Variants in DNAAF11 observed in about 807,000 individuals in gnomAD.
DNAAF11 encodes the protein dynein axonemal assembly factor 11, also known as leucine rich repeat containing 6.
Under a neutral mutation model 60.8 loss-of-function variants are expected in DNAAF11, and 45 were observed. The observed-to-expected ratio is 0.74, with a 90% CI of 0.58 to 0.95. DNAAF11 has a LOEUF of 0.95. Ranked by LOEUF, DNAAF11 falls within the 40% of genes least tolerant of loss-of-function variation. The pLI is 0.00. For missense variants in DNAAF11, 546 were observed against 546.2 expected, an observed-to-expected ratio of 1.00 and a Z score of 0.00; for synonymous variants, 191 against 183.5, an observed-to-expected ratio of 1.04 and a Z score of -0.33.
At chr8:132,670,183 A>G (rs1825048122) in intron 1 of DNAAF11, among the ~76,000 whole-genome samples, 1 of 152,060 alleles carries the variant, frequency 6.6e-6, no homozygotes, top group Non-Finnish European at 1.5e-5. Flanking sequence ...TGAAAAGCAG[A>G]AAAAAATAGA....
At chr8:132,594,996 T>C (rs1460215218) in intron 10 of DNAAF11, among the ~76,000 whole-genome samples, 1 of 152,106 alleles carries the variant, frequency 6.6e-6, no homozygotes, top group Non-Finnish European at 1.5e-5. Context: ...CCTCACACAC[T>C]GTCCTGCTGC....
intron 1 of DNAAF11, among the ~76,000 whole-genome samples, chr8:132,674,111 GC>G (rs1825474276): frequency 7.1e-6 from 1 of 141,262 alleles, no homozygotes; most frequent in Non-Finnish European, 1.6e-5. Context: ...AGGAGGAGGA[GC>G]AGGAGGAGGA....
upstream of DNAAF11, among the ~76,000 whole-genome samples, chr8:132,677,868 A>G (rs923551376): frequency 6.6e-6 from 1 of 152,168 alleles, no homozygotes; most frequent in Non-Finnish European, 1.5e-5. Flanking sequence ...AAGGGATAGA[A>G]AAGGTGAAAA....
the DNAAF11 span, among the ~76,000 whole-genome samples, chr8:132,682,313 A>G: frequency 1.3e-5 from 2 of 152,132 alleles, no homozygotes; most frequent in African/African-American, 4.8e-5. Context: ...GCCAATGTAG[A>G]TGCCCCCTCC....
intron 2 of DNAAF11, among the ~76,000 whole-genome samples, chr8:132,660,738 T>C (rs774601846): frequency 6.6e-6 from 1 of 152,194 alleles, no homozygotes; most frequent in Non-Finnish European, 1.5e-5. Flanking sequence ...GGGATCTTCC[T>C]GCCAGCAGAG....
At chr8:132,671,496 C>G (rs1319902283) in intron 1 of DNAAF11, among the ~76,000 whole-genome samples, 1 of 152,100 alleles carries the variant, frequency 6.6e-6, no homozygotes, top group Non-Finnish European at 1.5e-5. Flanking sequence ...AGGTCAAAAT[C>G]CCAGCAGACT....
intron 5 of DNAAF11, among the ~76,000 whole-genome samples, chr8:132,626,340 C>T (rs1198835542): frequency 1.3e-5 from 2 of 152,136 alleles, no homozygotes. Flanking sequence ...CATGAGCCAC[C>T]GCACCCAGCC....
At chr8:132,697,959 A>G in the DNAAF11 span, among the ~76,000 whole-genome samples, 1 of 152,308 alleles carries the variant, frequency 6.6e-6, no homozygotes, top group South Asian at 2.1e-4. Flanking sequence ...AAATATTAAT[A>G]AAATGTATGT....
At chr8:132,702,412 T>A in the DNAAF11 span, among the ~76,000 whole-genome samples, 1 of 152,184 alleles carries the variant, frequency 6.6e-6, no homozygotes, top group South Asian at 2.1e-4. Context: ...CTAACTTGTG[T>A]TAAATATTGG....
rs369985188 is a variant in DNAAF11, at chr8:132,572,383, G to A, written c.1324C>T (p.Arg442Ter). Residue 442 changes from arginine (R) to a stop codon, truncating the protein, a stop_gained, in exon 12 of 12, where the codon CGA becomes TGA. Transcript: ENST00000620350. LOFTEE classifies it high-confidence loss of function. ...VQEKKHTPRR[R>*]PEPKIIPSEE... ...CTTGGTATAATTTTGGGTTCAGGTC[G>A]TCTTCTGGGTGTGTGTTTTTTCTCT... The A allele has an allele frequency of 3.1e-5, 50 of 1,613,900 alleles. No homozygotes were observed. Among genetic ancestry groups the A allele is most frequent in the East Asian group, 1.8e-4 (8 of 44,870 alleles).
chr8:132,646,485 A>C (rs1822401617), intron 3 of DNAAF11, among the ~76,000 whole-genome samples: 1 of 152,212 alleles, frequency 6.6e-6, no homozygotes, highest in Non-Finnish European at 1.5e-5. Flanking sequence ...CTCACACAAC[A>C]ATATTAGCCT....
At chr8:132,655,090 T>TA (rs1237958592) in intron 3 of DNAAF11, among the ~76,000 whole-genome samples, 2 of 151,276 alleles carry the variant, frequency 1.3e-5, no homozygotes, top group African/African-American at 2.4e-5. Flanking sequence ...CTATTGACAT[T>TA]AAAAAAAATG....
intron 1 of DNAAF11, among the ~76,000 whole-genome samples, chr8:132,665,286 T>C (rs770620518): frequency 6.6e-6 from 1 of 151,890 alleles, no homozygotes; most frequent in Non-Finnish European, 1.5e-5. Context: ...GCATGGAGAT[T>C]ATAGTGTTTC....
intron 2 of DNAAF11, among the ~76,000 whole-genome samples, chr8:132,660,419 G>C (rs1824017557): frequency 6.6e-6 from 1 of 152,180 alleles, no homozygotes; most frequent in Admixed American, 6.5e-5. Flanking sequence ...TAAGACTTGG[G>C]CAAGTAACTG....
intron 3 of DNAAF11, among the ~76,000 whole-genome samples, chr8:132,639,647 T>C (rs2130567556): frequency 6.6e-6 from 1 of 152,248 alleles, no homozygotes. Flanking sequence ...CTAGATCCTA[T>C]CACCTGACTC....
intron 11 of DNAAF11, 88 bp downstream of exon 11, chr8:132,583,606 G>T: frequency 2.1e-6 from 2 of 974,566 alleles, no homozygotes; most frequent in Non-Finnish European, 3.3e-6. Flanking sequence ...TTAAATAATT[G>T]TACAATTTTG....
In DNAAF11 at chr8:132,611,315, C is replaced by T. The variant is rs777699345; in HGVS notation, c.1023G>A (p.Val341=). 1.4e-5 allele frequency: 23 copies of T among 1,612,136 alleles called. No homozygotes were observed. Among genetic ancestry groups the T allele is most frequent in the Non-Finnish European group, 1.8e-5 (21 of 1,178,504 alleles). ...LIDVDVQPTY[V]RVMIKGKPFQ... ...TTACCTTTCCTTTGATCATTACTCG[C>T]ACGTAAGTTGGTTGCACATCAACAT... Residue 341 remains valine (V), a synonymous_variant, in exon 9 of 12, where the codon GTG becomes GTA. Coordinates refer to ENST00000620350, the MANE Select transcript of DNAAF11 (RefSeq NM_012472.6).
At chr8:132,674,637 G>T (rs1038429389) in intron 1 of DNAAF11, among the ~76,000 whole-genome samples, 6 of 152,126 alleles carry the variant, frequency 3.9e-5, no homozygotes, top group South Asian at 4.1e-4. Context: ...GCCTGTAATC[G>T]CAGCACTTTG....
At position 132,638,087 on chromosome 8, in the gene DNAAF11, G is replaced by T; in HGVS notation, c.277C>A (p.Leu93Ile). 6.2e-7 allele frequency: 1 copy of T among 1,613,868 alleles called. No individual in the cohort carries two copies. ...CCAATGAAATTCACAGTCAGGTCAA[G>T]TTTTGCCAGCTCTTCACATCCTGTT... ...NLEGCEELAK[L>I]DLTVNFIGEL... is the part of the protein sequence containing the mutation. The change falls in exon 4 of 12, where the codon CTT becomes ATT. Residue 93 changes from leucine (L) to isoleucine (I), a missense_variant. Transcript: ENST00000620350.
Sources: allele counts gnomAD v4.1 joint callset (sites outside exome capture counted in the v4.1 genomes callset), GRCh38; gene constraint gnomAD v4.1.1; transcripts MANE v1.5; gene names NCBI Gene and HGNC (gene_info 2026-07-23, HGNC 2026-07-21).